ELAPOR1: variants seen among roughly 807,000 people sequenced by gnomAD.
The protein encoded by ELAPOR1 is endosome/lysosome-associated apoptosis and autophagy regulator 1.
In ELAPOR1, 77 loss-of-function variants were observed where a neutral mutation model predicts 119.7. That is an observed-to-expected ratio of 0.64 (90% CI 0.54 to 0.78). The LOEUF (loss-of-function observed/expected upper bound fraction) is 0.78. ELAPOR1 is among the 30% of genes least tolerant of loss of function. The probability of loss-of-function intolerance (pLI) is 0.00; values close to 1 mark genes in which losing one functional copy is unlikely to be tolerated. For missense variants in ELAPOR1, 1,115 were observed against 1,270.4 expected, an observed-to-expected ratio of 0.88 and a Z score of 1.86; for synonymous variants, 481 against 487.2, an observed-to-expected ratio of 0.99 and a Z score of 0.17.
At chr1:109,181,880 T>C (rs1234125547) in intron 7 of ELAPOR1, among the ~76,000 whole-genome samples, 2 of 152,088 alleles carry the variant, frequency 1.3e-5, no homozygotes, top group African/African-American at 2.4e-5. Flanking sequence ...ACTTTCCAGC[T>C]CAGGCCAACA....
At chr1:109,142,626 G>A (rs925395482) in intron 1 of ELAPOR1, among the ~76,000 whole-genome samples, 17 of 152,210 alleles carry the variant, frequency 1.1e-4, no homozygotes, top group Admixed American at 6.5e-4. Context: ...CAAAGGTAAC[G>A]TGGACCACAT....
chr1:109,146,797 T>A (rs747868503), intron 1 of ELAPOR1, among the ~76,000 whole-genome samples: 5 of 152,164 alleles, frequency 3.3e-5, no homozygotes, highest in Admixed American at 6.5e-5. Flanking sequence ...TGGAGTGCAG[T>A]GGTGCAATCA....
chr1:109,199,436 G>T (rs1233091556), intron 18 of ELAPOR1, among the ~76,000 whole-genome samples: 1 of 152,124 alleles, frequency 6.6e-6, no homozygotes, highest in African/African-American at 2.4e-5. Flanking sequence ...TACATAACAG[G>T]TATCCATACC....
At chr1:109,197,396 G>GC (rs1570729686) in intron 15 of ELAPOR1, 78 bp from the exon 16 acceptor site, 1 of 1,267,790 alleles carries the variant, frequency 7.9e-7, no homozygotes, top group Non-Finnish European at 1.1e-6. Context: ...ATGTAAAAAA[G>GC]CCTTCCCTAT....
chr1:109,173,889 C>T (rs2101063129), intron 7 of ELAPOR1, 52 bp downstream of exon 7: 4 of 1,587,920 alleles, frequency 2.5e-6, no homozygotes, highest in South Asian at 1.1e-5. Flanking sequence ...ACCACCAAAA[C>T]ACACAAGGAG....
At chr1:109,123,781 C>T (rs496138) in intron 1 of ELAPOR1, among the ~76,000 whole-genome samples, 42,247 of 151,990 alleles carry the variant, frequency 0.28, 6,251 homozygotes, top group Middle Eastern at 0.38. Flanking sequence ...CTTTCTAGAC[C>T]TCTGTATGTA....
rs1323804918 is a variant in ELAPOR1, at chr1:109,175,664, T to C, written c.952+1827T>C. On this transcript the variant is annotated intron_variant, in intron 7 of 21. Transcript: ENST00000369939. ...CAACATGGCAAAACCACGTCTCTAC[T>C]AAAAATACAAAAATTAGCCCGGCGT... Among the ~76,000 whole-genome samples, 6 of 150,252 alleles carry C rather than the reference T, an allele frequency of 4.0e-5. No homozygotes were observed. In the South Asian group the frequency reaches 8.4e-4, roughly 21 times the overall value.
intron 7 of ELAPOR1, among the ~76,000 whole-genome samples, chr1:109,177,279 A>G (rs1652381100): frequency 2.7e-5 from 4 of 146,294 alleles, no homozygotes; most frequent in South Asian, 4.3e-4. Context: ...TGCCGGGCAG[A>G]GACGCTCCTC....
chr1:109,197,740 AG>A, intron 16 of ELAPOR1, 86 bp downstream of exon 16: 1 of 1,415,710 alleles, frequency 7.1e-7, no homozygotes, highest in Non-Finnish European at 9.5e-7. Context: ...TGAGGTTACC[AG>A]TCTGGGAGGT....
chr1:109,161,773 TC>T, intron 1 of ELAPOR1, 120 bp from the exon 2 acceptor site: 2 of 1,240,506 alleles, frequency 1.6e-6, no homozygotes, highest in African/African-American at 1.5e-5. Flanking sequence ...CTGCCCGGGG[TC>T]CCAGGGCCCA....
chr1:109,202,880 C>A (rs765567327), intron 21 of ELAPOR1, 64 bp from the exon 22 acceptor site: 1 of 1,501,424 alleles, frequency 6.7e-7, no homozygotes, highest in African/African-American at 1.4e-5. Context: ...TTTTCCATTT[C>A]TCTCCTTTGT....
At chr1:109,189,939 T>G (rs554357283) in intron 11 of ELAPOR1, among the ~76,000 whole-genome samples, 1 of 152,198 alleles carries the variant, frequency 6.6e-6, no homozygotes, top group East Asian at 1.9e-4. Flanking sequence ...GCTATTCAAA[T>G]TCTTCCTCCT....
chr1:109,131,756 C>T (rs936209451), intron 1 of ELAPOR1, among the ~76,000 whole-genome samples: 6 of 152,226 alleles, frequency 3.9e-5, no homozygotes, highest in South Asian at 4.1e-4. Context: ...CTTCAGGGGC[C>T]GGAGGCATCT....
intron 3 of ELAPOR1, among the ~76,000 whole-genome samples, chr1:109,165,433 A>T (rs1420430414): frequency 3.3e-5 from 5 of 151,924 alleles, no homozygotes; most frequent in Non-Finnish European, 7.4e-5. Context: ...AAAATACAAA[A>T]AATTAGCCAG....
At chr1:109,126,617 C>T (rs745925922) in intron 1 of ELAPOR1, among the ~76,000 whole-genome samples, 46 of 152,176 alleles carry the variant, frequency 3.0e-4, no homozygotes, top group Middle Eastern at 3.4e-3. Context: ...ATTACAGGCA[C>T]GCGCCACCAT....
chr1:109,147,674 G>A (rs1372481804), intron 1 of ELAPOR1, among the ~76,000 whole-genome samples: 1 of 152,100 alleles, frequency 6.6e-6, no homozygotes, highest in African/African-American at 2.4e-5. Context: ...TCTGGTGGGG[G>A]ATGTTGGTGA....
rs757165253 is a variant in ELAPOR1, at chr1:109,164,568, G to A, written c.344G>A (p.Arg115His). 8.7e-6 allele frequency: 14 copies of A among 1,614,090 alleles called. No homozygotes were observed. Among genetic ancestry groups the A allele is most frequent in the South Asian group, 7.7e-5 (7 of 91,092 alleles). The change falls in exon 3 of 22, where the codon CGC becomes CAC. Residue 115 changes from arginine (R) to histidine (H), a missense_variant. Transcript: ENST00000369939. ...TCATGTAAGCCATGCGCTGAGGGCC[G>A]CTACTCCCTCGGCACAGGCATTCGG... ...DQSCKPCAEG[R>H]YSLGTGIRFD...
chr1:109,166,469 G>A (rs1162965476), intron 3 of ELAPOR1, among the ~76,000 whole-genome samples: 1 of 152,258 alleles, frequency 6.6e-6, no homozygotes, highest in Admixed American at 6.5e-5. Context: ...GGTGCTTGGA[G>A]AACTGGATAT....
intron 2 of ELAPOR1, 57 bp downstream of exon 2, chr1:109,162,071 A>G (rs1215103859): frequency 6.4e-6 from 10 of 1,560,218 alleles, no homozygotes; most frequent in African/African-American, 2.7e-5. Flanking sequence ...CTCTCCCCCA[A>G]GTCTCCTGCC....
Sources: allele counts gnomAD v4.1 joint callset (sites outside exome capture counted in the v4.1 genomes callset), GRCh38; gene constraint gnomAD v4.1.1; transcripts MANE v1.5; gene names NCBI Gene and HGNC (gene_info 2026-07-23, HGNC 2026-07-21).